Variants in DDAH1 observed in about 807,000 individuals in gnomAD.
The protein encoded by DDAH1 is N(G),N(G)-dimethylarginine dimethylaminohydrolase 1.
Under a neutral mutation model 28.8 loss-of-function variants are expected in DDAH1, and 19 were observed. The ratio of observed to expected loss-of-function variants is 0.66; its 90% CI spans 0.46 to 0.97. The LOEUF (loss-of-function observed/expected upper bound fraction) is 0.97, where lower values mean the gene tolerates loss of function less well. Among genes scored for constraint, DDAH1 ranks in the 50% least tolerant of loss-of-function variants. The pLI is 0.00. For synonymous variants in DDAH1, 153 were observed against 154.4 expected (o/e 0.99, Z 0.07); for missense variants, 326 against 375.9 (o/e 0.87, Z 1.10).
At chr1:85,400,409 G>A (rs1392834652) in intron 1 of DDAH1, among the ~76,000 whole-genome samples, 5 of 151,538 alleles carry the variant, frequency 3.3e-5, no homozygotes, top group African/African-American at 1.2e-4. Flanking sequence ...TTGCCCTGTT[G>A]GCCAAGCTGG....
chr1:85,321,676 C>T (rs1476168698), intron 5 of DDAH1, 108 bp from the exon 6 acceptor site: 1 of 867,126 alleles, frequency 1.2e-6, no homozygotes, highest in Admixed American at 1.8e-5. Flanking sequence ...TTCATTTAAT[C>T]CCAAGACACA....
chr1:85,543,733 C>T (rs756728363), intron 1 of DDAH1, among the ~76,000 whole-genome samples: 10 of 152,154 alleles, frequency 6.6e-5, no homozygotes, highest in Non-Finnish European at 1.3e-4. Flanking sequence ...TATCCATATA[C>T]ATCTATAAAA....
chr1:85,558,492 A>G (rs1030044418), intron 1 of DDAH1, among the ~76,000 whole-genome samples: 3 of 152,210 alleles, frequency 2.0e-5, no homozygotes, highest in African/African-American at 7.2e-5. Flanking sequence ...ATTCTTTTTG[A>G]TGGCCCAGAC....
At chr1:85,328,126 G>T (rs966599040) in intron 4 of DDAH1, among the ~76,000 whole-genome samples, 45 of 152,132 alleles carry the variant, frequency 3.0e-4, no homozygotes, top group African/African-American at 1.0e-3. Flanking sequence ...ACAAGGCCAA[G>T]GTTTGTCTGT....
intron 1 of DDAH1, among the ~76,000 whole-genome samples, chr1:85,546,133 A>C (rs1482563206): frequency 6.7e-6 from 1 of 149,374 alleles, no homozygotes; most frequent in African/African-American, 2.4e-5. Flanking sequence ...TGTGTCTCCA[A>C]AAAAAAAAAA....
At chr1:85,435,444 C>T (rs1653889757) in intron 1 of DDAH1, among the ~76,000 whole-genome samples, 2 of 152,196 alleles carry the variant, frequency 1.3e-5, no homozygotes, top group Admixed American at 6.5e-5. Context: ...GGGCATACTA[C>T]TAAATAATGA....
chr1:85,569,575 C>T (rs1194524796), intron 1 of DDAH1, among the ~76,000 whole-genome samples: 1 of 152,198 alleles, frequency 6.6e-6, no homozygotes, highest in South Asian at 2.1e-4. Flanking sequence ...GAAGTTTTCC[C>T]TGAGTTTGTT....
intron 1 of DDAH1, among the ~76,000 whole-genome samples, chr1:85,364,082 T>C (rs893228381): frequency 2.0e-5 from 3 of 152,182 alleles, no homozygotes; most frequent in African/African-American, 7.2e-5. Flanking sequence ...AAAGGGTAGA[T>C]ATTAGTATAC....
intron 2 of DDAH1, chr1:85,494,992 A>C (rs2100732368): frequency 6.6e-6 from 1 of 152,292 alleles, no homozygotes. Flanking sequence ...GTTTTCCCAC[A>C]TTTCCCATAC....
chr1:85,439,402 C>T (rs1328015318), intron 1 of DDAH1, among the ~76,000 whole-genome samples: 1 of 152,208 alleles, frequency 6.6e-6, no homozygotes, highest in Non-Finnish European at 1.5e-5. Context: ...CTGCAGCTTC[C>T]CAAGTGTCTG....
At chr1:85,475,384 T>C (rs1321702645) in intron 2 of DDAH1, among the ~76,000 whole-genome samples, 2 of 152,184 alleles carry the variant, frequency 1.3e-5, no homozygotes, top group Non-Finnish European at 2.9e-5. Flanking sequence ...AATAGTTGAC[T>C]TTCAACAAAG....
intron 1 of DDAH1, among the ~76,000 whole-genome samples, chr1:85,536,082 G>A (rs1439487511): frequency 6.6e-6 from 1 of 151,330 alleles, no homozygotes; most frequent in Non-Finnish European, 1.5e-5. Context: ...GCAACATGGC[G>A]AAACCTTAGC....
chr1:85,372,772 G>A (rs1047945308), intron 1 of DDAH1, among the ~76,000 whole-genome samples: 1 of 152,090 alleles, frequency 6.6e-6, no homozygotes, highest in Non-Finnish European at 1.5e-5. Flanking sequence ...ATGAGGCAGA[G>A]TATAATGAAA....
chr1:85,341,317 G>A (rs897434664), intron 4 of DDAH1, among the ~76,000 whole-genome samples: 1 of 152,178 alleles, frequency 6.6e-6, no homozygotes, highest in Non-Finnish European at 1.5e-5. Context: ...TTTTGCAGAA[G>A]AGACAGTAAT....
At chr1:85,360,177 C>T (rs1284032349) in intron 1 of DDAH1, among the ~76,000 whole-genome samples, 1 of 152,156 alleles carries the variant, frequency 6.6e-6, no homozygotes, top group African/African-American at 2.4e-5. Flanking sequence ...AATACTTTGA[C>T]AACAAGCCTG....
rs185851631 is a variant in DDAH1 at position 85,403,938 on chromosome 1, T to C, written c.304-45091A>G. ...TTACAAATGGATACATGTTGTACTCTTGGCAAAATTTACTTGTTACATTTT... is the reference window on the plus strand; with the variant it reads ...TTACAAATGGATACATGTTGTACTCCTGGCAAAATTTACTTGTTACATTTT... On this transcript the variant is annotated intron_variant, in intron 1 of 5. Transcript: ENST00000284031. Among the ~76,000 whole-genome samples, 13 of 152,358 alleles carry C rather than the reference T, an allele frequency of 8.5e-5. No homozygotes were observed. In the East Asian group the frequency reaches 2.5e-3, roughly 29 times the overall value.
chr1:85,556,767 T>C (rs1658982035), intron 1 of DDAH1, among the ~76,000 whole-genome samples: 1 of 152,228 alleles, frequency 6.6e-6, no homozygotes, highest in Non-Finnish European at 1.5e-5. Context: ...AGATCAAACA[T>C]GCTTTGACTG....
intron 4 of DDAH1, among the ~76,000 whole-genome samples, chr1:85,331,421 A>ATG (rs976600229): frequency 1.4e-5 from 2 of 140,640 alleles, no homozygotes; most frequent in African/African-American, 2.6e-5. Context: ...ATATTCATAT[A>ATG]TGTATATATA....
At chr1:85,390,180 T>C (rs926825854) in intron 1 of DDAH1, among the ~76,000 whole-genome samples, 2 of 152,182 alleles carry the variant, frequency 1.3e-5, no homozygotes, top group African/African-American at 4.8e-5. Flanking sequence ...CTTCTCTACC[T>C]TATGGCTAAT....
Sources: allele counts gnomAD v4.1 joint callset (sites outside exome capture counted in the v4.1 genomes callset), GRCh38; gene constraint gnomAD v4.1.1; transcripts MANE v1.5; gene names NCBI Gene and HGNC (gene_info 2026-07-23, HGNC 2026-07-21).